Variants in FASTKD5 observed in about 807,000 individuals in gnomAD.
The protein encoded by FASTKD5 is FAST kinase domains 5.
A neutral mutation model predicts 44.0 loss-of-function variants in FASTKD5; 30 were observed. The ratio of observed to expected loss-of-function variants is 0.68; its 90% CI spans 0.51 to 0.93. The LOEUF (loss-of-function observed/expected upper bound fraction) is 0.93, where lower values mean the gene tolerates loss of function less well. Ranked by LOEUF, FASTKD5 falls within the 40% of genes least tolerant of loss-of-function variation. FASTKD5 has a pLI of 0.00. For missense variants in FASTKD5, 868 were observed against 908.2 expected, an observed-to-expected ratio of 0.96 and a Z score of 0.57; for synonymous variants, 335 against 342.2, an observed-to-expected ratio of 0.98 and a Z score of 0.23.
rs776122804 is a variant in FASTKD5 at position 3,146,971 on chromosome 20, C to G, written c.2100G>C (p.Gln700His). Reference protein sequence around the residue: ...MQTPRMKLAVQFTNRNQYCYG... With the variant: ...MQTPRMKLAVHFTNRNQYCYG... ...AGCAATACTGGTTCCTGTTTGTGAA[C>G]TGAACAGCCAGCTTCATTCTTGGGG... The change falls in exon 2 of 2, where the codon CAG (glutamine) becomes CAC (histidine). Residue 700 changes from glutamine to histidine, a missense_variant. Transcript: ENST00000380266. The G allele has an allele frequency of 6.2e-7, 1 of 1,614,196 alleles. No individual in the cohort carries two copies. Among genetic ancestry groups the G allele is most frequent in the East Asian group, 2.2e-5 (1 of 44,892 alleles).
intron 1 of FASTKD5, among the ~76,000 whole-genome samples, chr20:3,152,760 T>C (rs1297003534): frequency 1.3e-5 from 2 of 151,124 alleles, no homozygotes; most frequent in Admixed American, 6.6e-5. Context: ...ATACAAAAAT[T>C]AGCTGGGCGT....
At position 3,148,283 on chromosome 20, in the gene FASTKD5, T is replaced by C; in HGVS notation, c.788A>G (p.Asn263Ser). Residue 263 changes from asparagine to serine, a missense_variant, in exon 2 of 2, where the codon AAC becomes AGC. Asn to Ser is a conservative substitution (Grantham distance 46). Transcript: ENST00000380266. The stretch of plus-strand genomic sequence containing the variant: ...CAAATTAAGATAACTAGAAAAAATG[T>C]TTAAAAACCTAGGTACTTTGCGGCC... ...YLGRKVPRFL[N>S]IFSSYLNLHW... 6.2e-7 allele frequency: 1 copy of C among 1,611,580 alleles called. No individual in the cohort carries two copies. The highest frequency in any genetic ancestry group is 8.5e-7 in the Non-Finnish European group (1 of 1,179,470).
chr20:3,152,050 A>G (rs2066631320), intron 1 of FASTKD5: 1 of 145,540 alleles, frequency 6.9e-6, no homozygotes, highest in Non-Finnish European at 1.5e-5. Context: ...GGTTGCAGTG[A>G]GCCAAGATGG....
At chr20:3,151,535 C>T (rs904088251) in intron 1 of FASTKD5, among the ~76,000 whole-genome samples, 2 of 152,060 alleles carry the variant, frequency 1.3e-5, no homozygotes, top group Admixed American at 1.3e-4. Context: ...CGCCTATAAT[C>T]CCAACACTTT....
Position 3,148,623 on chromosome 20 carries a change from T to C in FASTKD5, c.448A>G (p.Lys150Glu). 6.2e-7 allele frequency: 1 copy of C among 1,614,228 alleles called. No individual in the cohort carries two copies. Among genetic ancestry groups the C allele is most frequent in the African/African-American group, 1.3e-5 (1 of 75,076 alleles). The stretch of plus-strand genomic sequence containing the variant: ...AGATTATTTTGATTAACTCTGACTT[T>C]GTGCAAAATTAGTTCACCTTCTGAA... ...SVSEGELILH[K>E]VRVNQNNLQA... Residue 150 changes from lysine to glutamate, a missense_variant, in exon 2 of 2, where the codon AAA becomes GAA. By Grantham distance (56) the Lys-to-Glu change is moderately conservative. Coordinates refer to ENST00000380266, the MANE Select transcript of FASTKD5 (RefSeq NM_021826.5).
At chr20:3,153,343 A>C (rs917303101) in intron 1 of FASTKD5, among the ~76,000 whole-genome samples, 1 of 152,260 alleles carries the variant, frequency 6.6e-6, no homozygotes, top group African/African-American at 2.4e-5. Context: ...GCTATGCCTT[A>C]GGGCCTCCTC....
chr20:3,155,898 T>C (rs1481885866), intron 1 of FASTKD5, among the ~76,000 whole-genome samples: 2 of 152,208 alleles, frequency 1.3e-5, no homozygotes, highest in Non-Finnish European at 2.9e-5. Context: ...AGTAACTCTA[T>C]AGAAACTGTA....
chr20:3,155,980 C>T (rs6051607), intron 1 of FASTKD5, among the ~76,000 whole-genome samples: 2,103 of 152,136 alleles, frequency 0.014, 47 homozygotes, highest in African/African-American at 0.048. Context: ...GAAAGAAAAA[C>T]AAGGAAGATA....
intron 1 of FASTKD5, among the ~76,000 whole-genome samples, chr20:3,154,131 T>C (rs1210803583): frequency 1.3e-5 from 2 of 151,928 alleles, no homozygotes; most frequent in Non-Finnish European, 2.9e-5. Context: ...ATCCAGAAAC[T>C]AGGGTTCAAT....
At chr20:3,152,415 T>C (rs2066639392) in intron 1 of FASTKD5, among the ~76,000 whole-genome samples, 1 of 151,678 alleles carries the variant, frequency 6.6e-6, no homozygotes, top group East Asian at 1.9e-4. Context: ...GGCGGGAGAA[T>C]CACTTGAACC....
chr20:3,150,968 C>A (rs2148623484), intron 1 of FASTKD5: 1 of 152,278 alleles, frequency 6.6e-6, no homozygotes, highest in East Asian at 1.9e-4. Context: ...TTTGACCTCC[C>A]ACTTCAAGCA....
Position 3,146,891 on chromosome 20 carries a change from C to T in FASTKD5, c.2180G>A (p.Arg727Gln), listed in dbSNP as rs753590808. The T allele has an allele frequency of 2.5e-6, 4 of 1,614,032 alleles. No individual in the cohort carries two copies. Among genetic ancestry groups the T allele is most frequent in the East Asian group, 2.2e-5 (1 of 44,900 alleles). Residue 727 changes from arginine (R) to glutamine (Q), a missense_variant, in exon 2 of 2, where the codon CGG (arginine) becomes CAG (glutamine). Physicochemically the swap from Arg to Gln is conservative, Grantham distance 43. Coordinates refer to ENST00000380266, the MANE Select transcript of FASTKD5 (RefSeq NM_021826.5). The stretch of plus-strand genomic sequence containing the variant: ...TAACTCTACCACACGGTAGCCAAGC[C>T]GAGCCAGCTGCCGCCTCTTCATATT... ...LHNMKRRQLARLGYRVVELSY... is the reference protein window; with the variant it reads ...LHNMKRRQLAQLGYRVVELSY...
In FASTKD5 at chr20:3,148,616, C is replaced by CT; in HGVS notation, c.454dup (p.Arg152LysfsTer3). On this transcript the variant is annotated frameshift_variant, in exon 2 of 2. Coordinates refer to ENST00000380266, the MANE Select transcript of FASTKD5 (RefSeq NM_021826.5). LOFTEE classifies it high-confidence loss of function. ...AGCCTGGAGATTATTTTGATTAACTCTGACTTTGTGCAAAATTAGTTCACC... is the reference window on the plus strand; with the variant it reads ...AGCCTGGAGATTATTTTGATTAACTCTTGACTTTGTGCAAAATTAGTTCACC... 6.2e-7 allele frequency: 1 copy of CT among 1,614,164 alleles called. No homozygotes were observed. The highest frequency in any genetic ancestry group is 8.5e-7 in the Non-Finnish European group (1 of 1,180,044).
rs1202689678 is a variant in FASTKD5 at position 3,149,010 on chromosome 20, CAGA to C, written c.58_60del (p.Ser20del). 6.2e-7 allele frequency: 1 copy of C among 1,613,936 alleles called. No individual in the cohort carries two copies. On this transcript the variant is annotated inframe_deletion, in exon 2 of 2. Coordinates refer to ENST00000380266, the MANE Select transcript of FASTKD5 (RefSeq NM_021826.5). This position sits in a 1 kb window ranked among gnomAD's most constrained non-coding sequence, Gnocchi z 4.1. Reference sequence around the variant, plus strand: ...GACACACTTCGGACTGCACCAAAGGCAGAAGGACTGCAAAATGCTCGGTATCTT... The same window carrying C: ...GACACACTTCGGACTGCACCAAAGGCAGGACTGCAAAATGCTCGGTATCTT...
intron 1 of FASTKD5, chr20:3,151,729 T>A (rs1032935414): frequency 6.6e-6 from 1 of 152,022 alleles, no homozygotes; most frequent in Non-Finnish European, 1.5e-5. Flanking sequence ...AATATTTAGA[T>A]GATAATTGAA....
rs747016766 is a variant in FASTKD5 at position 3,146,754 on chromosome 20, T to C, written c.*22A>G. ...ACAGTATACACCTATAGCTTTGCCA[T>C]AGAAATGCCCCTAAATGCCCTTCAG... On this transcript the variant is annotated 3_prime_UTR_variant, in exon 2 of 2. Transcript: ENST00000380266. 4.4e-6 allele frequency: 7 copies of C among 1,602,456 alleles called. No individual in the cohort carries two copies. Among genetic ancestry groups the C allele is most frequent in the African/African-American group, 4.0e-5 (3 of 74,616 alleles).
chr20:3,147,761 A>T lies in FASTKD5; in HGVS notation c.1310T>A (p.Phe437Tyr). The change falls in exon 2 of 2, where the codon TTT becomes TAT. Residue 437 changes from phenylalanine (F) to tyrosine (Y), a missense_variant. By Grantham distance (22) the Phe-to-Tyr change is conservative. Coordinates refer to ENST00000380266, the MANE Select transcript of FASTKD5 (RefSeq NM_021826.5). ...SKDVAKILWS[F>Y]GTLNYKPPNA... ...GGGTGGCTTATAATTCAGAGTTCCA[A>T]ATGACCACAGAATCTTGGCAACATC... The T allele has an allele frequency of 1.2e-6, 2 of 1,614,166 alleles. No homozygotes were observed. The highest frequency in any genetic ancestry group is 1.7e-6 in the Non-Finnish European group (2 of 1,180,046).
chr20:3,152,148 T>C (rs1265831326), intron 1 of FASTKD5, among the ~76,000 whole-genome samples: 1 of 140,954 alleles, frequency 7.1e-6, no homozygotes, highest in Non-Finnish European at 1.5e-5. Flanking sequence ...AGATAGCAGG[T>C]AACAGAACTC....
Position 3,147,421 on chromosome 20 carries a change from CT to C in FASTKD5, c.1649del (p.Glu550GlyfsTer4). The C allele has an allele frequency of 6.2e-7, 1 of 1,614,204 alleles. No homozygotes were observed. Among genetic ancestry groups the C allele is most frequent in the South Asian group, 1.1e-5 (1 of 91,092 alleles). On this transcript the variant is annotated frameshift_variant, in exon 2 of 2. Transcript: ENST00000380266. LOFTEE classifies it low-confidence loss of function (END_TRUNC). Reference protein sequence around the residue: ...EGSELLWYLAEKDMNSKPEFL... With the variant: ...EGSELLWYLAXKDMNSKPEFL... ...ATTCAGGCTTTGAATTCATATCCTTCTCTGCTAAATACCACAGCAATTCAGA... is the reference window on the plus strand; with the variant it reads ...ATTCAGGCTTTGAATTCATATCCTTCCTGCTAAATACCACAGCAATTCAGA...
Sources: allele counts gnomAD v4.1 joint callset (sites outside exome capture counted in the v4.1 genomes callset), GRCh38; gene constraint gnomAD v4.1.1; non-coding constraint Gnocchi (gnomAD v3.1); transcripts MANE v1.5; gene names NCBI Gene and HGNC (gene_info 2026-07-23, HGNC 2026-07-21).